The following ZNF639 variants were observed in gnomAD, a reference collection of about 807,000 sequenced individuals.
The protein encoded by ZNF639 is zinc finger protein 639.
ZNF639 carries 20 observed loss-of-function variants against 39.8 expected under a neutral mutation model. The ratio of observed to expected loss-of-function variants is 0.50; its 90% confidence interval spans 0.35 to 0.73. ZNF639 has a LOEUF of 0.73. Ranked by LOEUF, ZNF639 falls within the 30% of genes least tolerant of loss-of-function variation. ZNF639 has a pLI of 0.00. For missense variants in ZNF639, 477 were observed against 566.2 expected (o/e 0.84, Z 1.60); for synonymous variants, 176 against 189.8 (o/e 0.93, Z 0.60).
In ZNF639 at chr3:179,328,469, AAAC is replaced by A. The variant is rs535579187; in HGVS notation, c.58+122_58+124del. 9.0e-4 allele frequency: 565 copies of A among 628,236 alleles called. 2 individuals carry two copies. The African/African-American group carries it at 9.3e-3, about 10-fold the overall frequency. The allele number at this position is 628,236 out of a possible 1,614,324, so 38.9% of individuals were successfully genotyped here. A position where few individuals can be genotyped will look rare whatever the true frequency, so the allele number is the denominator to read the frequency against. On this transcript the variant is annotated intron_variant, in intron 3 of 5. Coordinates refer to ENST00000496856, the MANE Select transcript of ZNF639 (RefSeq NM_001303426.2). ...AAATATCTGGGTCAATATTTAGGTA[AAAC>A]AACGGTTTAAATACATTATCTGAAT...
Position 179,333,053 on chromosome 3 carries a change from A to C in ZNF639, c.234A>C (p.Arg78Ser). 2 of 1,572,578 alleles carry C rather than the reference A, an allele frequency of 1.3e-6. No homozygotes were observed. Among genetic ancestry groups the C allele is most frequent in the Non-Finnish European group, 1.7e-6 (2 of 1,157,464 alleles). Reference sequence around the variant, plus strand: ...AATTTGCAGATGGAATCAAGGCCAGAAACAGAAATCAGAACTACCTGGTTC... The same window carrying C: ...AATTTGCAGATGGAATCAAGGCCAGCAACAGAAATCAGAACTACCTGGTTC... ...LPKFADGIKARNRNQNYLVPS... is the reference protein window; with the variant it reads ...LPKFADGIKASNRNQNYLVPS... Residue 78 changes from arginine (R) to serine (S), a missense_variant, in exon 5 of 6, where the codon AGA becomes AGC. Arg to Ser is a moderately radical substitution (Grantham distance 110). Coordinates refer to ENST00000496856, the MANE Select transcript of ZNF639 (RefSeq NM_001303426.2).
At chr3:179,322,928 C>G (rs953900803), upstream of ZNF639, 8 of 984,970 alleles carry the variant, frequency 8.1e-6, no homozygotes, top group Admixed American at 4.9e-4. Context: ...CCCGGGGCTG[C>G]GGGCCGGTGG....
At position 179,335,281 on chromosome 3, in the gene ZNF639, G is replaced by A. The variant is rs1234003987; in HGVS notation, c.*859G>A. On this transcript the variant is annotated 3_prime_UTR_variant, in exon 6 of 6. Transcript: ENST00000496856. The stretch of plus-strand genomic sequence containing the variant: ...AAGTTTTTAAATTTCTTGTAGAGAT[G>A]AGATCTCGCTATGTTGCCCAGGCCA... 2 of 152,128 alleles carry A rather than the reference G, an allele frequency of 1.3e-5. No individual in the cohort carries two copies. The highest frequency in any genetic ancestry group is 2.9e-5 in the Non-Finnish European group (2 of 68,064). The allele number at this position is 152,128 out of a possible 1,614,324, so 9.4% of individuals were successfully genotyped here. A position where few individuals can be genotyped will look rare whatever the true frequency, so the allele number is the denominator to read the frequency against.
At position 179,329,517 on chromosome 3, in the gene ZNF639, ATAAT is replaced by A. The variant is rs1335934301; in HGVS notation, c.59-97_59-94del. The stretch of plus-strand genomic sequence containing the variant: ...GTATAATATTTTCATTACAGATACT[ATAAT>A]TAACATTAAGAACATTTGTATAAGT... On this transcript the variant is annotated intron_variant, in intron 3 of 5. Transcript: ENST00000496856. The A allele has an allele frequency of 3.4e-5, 23 of 683,534 alleles. No individual in the cohort carries two copies. In the East Asian group the frequency reaches 4.2e-4, roughly 13 times the overall value. The allele number at this position is 683,534 out of a possible 1,614,324, so 42.3% of individuals were successfully genotyped here.
chr3:179,328,253 C>T, intron 2 of ZNF639, 30 bp from the exon 3 acceptor site: 1 of 1,247,126 alleles, frequency 8.0e-7, no homozygotes, highest in Non-Finnish European at 1.1e-6. Flanking sequence ...TTATTTGTGA[C>T]ATATTTGTTA....
At position 179,336,028 on chromosome 3, in the gene ZNF639, T is replaced by G. The variant is rs1349118028; in HGVS notation, c.*1606T>G. Reference sequence around the variant, plus strand: ...CTGGTCTCAAATTCCTGACCTCAGGTGATCCACCTGCCTCAGTCTCCCAAA... The same window carrying G: ...CTGGTCTCAAATTCCTGACCTCAGGGGATCCACCTGCCTCAGTCTCCCAAA... On this transcript the variant is annotated 3_prime_UTR_variant, in exon 6 of 6. Transcript: ENST00000496856. 6.6e-6 allele frequency: 1 copy of G among 152,148 alleles called. No homozygotes were observed. The highest frequency in any genetic ancestry group is 1.9e-4 in the East Asian group (1 of 5,186). The allele number at this position is 152,148 out of a possible 1,614,324, so 9.4% of individuals were successfully genotyped here.
intron 1 of ZNF639, among the ~76,000 whole-genome samples, chr3:179,326,320 C>T (rs60999959): frequency 0.027 from 4,168 of 152,200 alleles, 207 homozygotes; most frequent in African/African-American, 0.096. Flanking sequence ...AAGATCGTGC[C>T]ACTGCACTCC....
intron 1 of ZNF639, 129 bp downstream of exon 1, chr3:179,323,420 C>T (rs1390267974): frequency 4.1e-6 from 4 of 977,554 alleles, no homozygotes; most frequent in South Asian, 4.7e-5. Flanking sequence ...ACTCTGCCTT[C>T]GTTATATGGC....
chr3:179,333,878 A>T lies in ZNF639; in HGVS notation c.914A>T (p.Tyr305Phe), dbSNP rs749498457. ...DVQFSSSSEL[Y>F]LHFQEHSCDE... Reference sequence around the variant, plus strand: ...CAGTTCTCCTCAAGCAGTGAACTCTACCTACATTTCCAGGAGCACAGCTGT... The same window carrying T: ...CAGTTCTCCTCAAGCAGTGAACTCTTCCTACATTTCCAGGAGCACAGCTGT... The change falls in exon 6 of 6, where the codon TAC (tyrosine) becomes TTC (phenylalanine). Residue 305 changes from tyrosine to phenylalanine, a missense_variant. Tyr to Phe is a conservative substitution (Grantham distance 22). Transcript: ENST00000496856. 1.1e-5 allele frequency: 17 copies of T among 1,614,066 alleles called. No homozygotes were observed. In the South Asian group the frequency reaches 1.8e-4, roughly 17 times the overall value.
intron 1 of ZNF639, among the ~76,000 whole-genome samples, chr3:179,324,343 T>TA (rs568040530): frequency 3.3e-4 from 50 of 152,320 alleles, no homozygotes; most frequent in African/African-American, 9.9e-4. Context: ...CTAGGTGATA[T>TA]AAAAAATTTT....
chr3:179,332,985 AC>A lies in ZNF639; in HGVS notation c.170-3del. On this transcript the variant is annotated splice_polypyrimidine_tract_variant and splice_region_variant and intron_variant, in intron 4 of 5. Transcript: ENST00000496856. ...TAAGTATTCTTCCAAATCCCTTTTT[AC>A]AGATGATGATTCTGATACCGAGACG... The A allele has an allele frequency of 6.5e-7, 1 of 1,541,958 alleles. No homozygotes were observed. Among genetic ancestry groups the A allele is most frequent in the Non-Finnish European group, 8.7e-7 (1 of 1,144,360 alleles).
At chr3:179,328,088 G>A in intron 2 of ZNF639, 195 bp from the exon 3 acceptor site, 1 of 404,746 alleles carries the variant, frequency 2.5e-6, no homozygotes, top group Non-Finnish European at 4.4e-6. Flanking sequence ...ACAGAAATCA[G>A]TTTCTGCCTT....
At chr3:179,332,223 T>C (rs1464409534) in intron 4 of ZNF639, among the ~76,000 whole-genome samples, 2 of 152,248 alleles carry the variant, frequency 1.3e-5, no homozygotes, top group Non-Finnish European at 2.9e-5. Context: ...TAATGTTAGA[T>C]GTTAGTAGTG....
Position 179,333,013 on chromosome 3 carries a change from C to T in ZNF639, c.194C>T (p.Ser65Leu), listed in dbSNP as rs1431324616. Residue 65 changes from serine (S) to leucine (L), a missense_variant, in exon 5 of 6, where the codon TCA (serine) becomes TTA (leucine). By Grantham distance (145) the Ser-to-Leu change is moderately radical. Coordinates refer to ENST00000496856, the MANE Select transcript of ZNF639 (RefSeq NM_001303426.2). ...NKDDDSDTETSNDLPKFADGI... is the reference protein window; with the variant it reads ...NKDDDSDTETLNDLPKFADGI... The stretch of plus-strand genomic sequence containing the variant: ...GATGATGATTCTGATACCGAGACGT[C>T]AAATGACTTGCCAAAATTTGCAGAT... The T allele has an allele frequency of 4.5e-6, 7 of 1,554,024 alleles. No individual in the cohort carries two copies. The highest frequency in any genetic ancestry group is 5.2e-6 in the Non-Finnish European group (6 of 1,148,210).
chr3:179,323,282 G>A lies in ZNF639; in HGVS notation c.-92G>A, dbSNP rs1054196224. ...GTGGGCCGGCCGGGAGGGCCTCGGG[G>A]GACTGACTGGTGAGTGTGAGGGAGG... is the stretch of plus-strand genomic sequence containing the variant. On this transcript the variant is annotated 5_prime_UTR_variant, in exon 1 of 6. Transcript: ENST00000496856. 4 of 985,190 alleles carry A rather than the reference G, an allele frequency of 4.1e-6. No individual in the cohort carries two copies. Among genetic ancestry groups the A allele is most frequent in the Non-Finnish European group, 4.8e-6 (4 of 829,954 alleles). 61.0% of individuals were successfully genotyped at this position (985,190 alleles called of 1,614,324 possible). A position where few individuals can be genotyped will look rare whatever the true frequency, so the allele number is the denominator to read the frequency against.
intron 1 of ZNF639, among the ~76,000 whole-genome samples, chr3:179,327,007 T>C (rs1727631589): frequency 6.6e-6 from 1 of 151,692 alleles, no homozygotes; most frequent in African/African-American, 2.4e-5. Flanking sequence ...CTGGCCAACA[T>C]GGTGAAACCC....
chr3:179,323,333 C>T, intron 1 of ZNF639, 42 bp downstream of exon 1: 2 of 985,762 alleles, frequency 2.0e-6, no homozygotes, highest in Non-Finnish European at 2.4e-6. Context: ...CGCTGGACTG[C>T]TCCAGGGGAC....
rs1446991036 is a variant in ZNF639, at chr3:179,333,717, T to C, written c.753T>C (p.His251=). ...CTACCAATATGCTTCTGATAGAACA[T>C]GCCAAACTGCATGAAGAGGATCCCT... ...SFSTNMLLIE[H]AKLHEEDPYI... is the part of the protein sequence containing the mutation. Residue 251 remains histidine (H), a synonymous_variant, in exon 6 of 6, where the codon CAT becomes CAC. Coordinates refer to ENST00000496856, the MANE Select transcript of ZNF639 (RefSeq NM_001303426.2). The C allele has an allele frequency of 1.2e-6, 2 of 1,614,202 alleles. No homozygotes were observed. The highest frequency in any genetic ancestry group is 1.7e-6 in the Non-Finnish European group (2 of 1,180,034).
rs1214505797 is a variant in ZNF639 at position 179,334,798 on chromosome 3, A to G, written c.*376A>G. Reference sequence around the variant, plus strand: ...AGACAAGATTAGTTTTTTATGTGTGAAGTCATTAAATTATTACACGACCAG... The same window carrying G: ...AGACAAGATTAGTTTTTTATGTGTGGAGTCATTAAATTATTACACGACCAG... On this transcript the variant is annotated 3_prime_UTR_variant, in exon 6 of 6. Transcript: ENST00000496856. 1.3e-5 allele frequency: 2 copies of G among 154,348 alleles called. No individual in the cohort carries two copies. Among genetic ancestry groups the G allele is most frequent in the African/African-American group, 4.8e-5 (2 of 41,506 alleles). The allele number at this position is 154,348 out of a possible 1,614,324, so 9.6% of individuals were successfully genotyped here.
Sources: allele counts gnomAD v4.1 joint callset (sites outside exome capture counted in the v4.1 genomes callset), GRCh38; gene constraint gnomAD v4.1.1; transcripts MANE v1.5; gene names NCBI Gene and HGNC (gene_info 2026-07-23, HGNC 2026-07-21).